RNF157: variants seen among roughly 807,000 people sequenced by gnomAD.
The protein encoded by RNF157 is E3 ubiquitin ligase RNF157.
A neutral mutation model predicts 88.3 loss-of-function variants in RNF157; 55 were observed. The observed-to-expected ratio is 0.62, with a 90% confidence interval of 0.50 to 0.78. The LOEUF is 0.78. Among genes scored for constraint, RNF157 ranks in the 30% least tolerant of loss-of-function variants. The pLI is 0.00. For synonymous variants in RNF157, 334 were observed against 341.2 expected, an observed-to-expected ratio of 0.98 and a Z score of 0.23; for missense variants, 788 against 860.8, an observed-to-expected ratio of 0.92 and a Z score of 1.06.
At position 76,167,131 on chromosome 17, in the gene RNF157, T is replaced by C. The variant is rs200167921; in HGVS notation, c.444-5A>G. ...CTGTTGTCTTTGGGAATGTAGCTAT[T>C]GATACAAGTGGGAGGCAAAGCAAAA... On this transcript the variant is annotated splice_polypyrimidine_tract_variant and splice_region_variant and intron_variant, in intron 4 of 18. Coordinates refer to ENST00000269391, the MANE Select transcript of RNF157 (RefSeq NM_052916.3). 103 of 1,607,438 alleles carry C rather than the reference T, an allele frequency of 6.4e-5. No individual in the cohort carries two copies. Among genetic ancestry groups the C allele is most frequent in the Non-Finnish European group, 7.0e-5 (82 of 1,175,316 alleles).
intron 2 of RNF157, among the ~76,000 whole-genome samples, chr17:76,204,729 GA>G (rs1416293347): frequency 6.6e-6 from 1 of 151,880 alleles, no homozygotes; most frequent in African/African-American, 2.4e-5. Context: ...ATCTGTACTA[GA>G]GAAAGAAGAA....
In RNF157 at chr17:76,160,403, C is replaced by G. The variant is rs1172850723; in HGVS notation, c.1066-830G>C. On this transcript the variant is annotated intron_variant, in intron 11 of 18. Coordinates refer to ENST00000269391, the MANE Select transcript of RNF157 (RefSeq NM_052916.3). The surrounding 1 kb of genome is among the most constrained non-coding windows in gnomAD (Gnocchi z 4.3). ...TTTTTTTCAGTGCCTTTTCTAGTTA[C>G]ACTCCTATAAGTAATACAGAAGACC... Among the ~76,000 whole-genome samples the G allele has an allele frequency of 6.6e-6, 1 of 151,734 alleles. No homozygotes were observed. Among genetic ancestry groups the G allele is most frequent in the Non-Finnish European group, 1.5e-5 (1 of 67,976 alleles).
rs1286752200 is a variant in RNF157 at position 76,176,441 on chromosome 17, TAG to T, written c.208-2653_208-2652del. ...TTAAAAAAAATTTTTTTTCTGCTCT[TAG>T]AGTTGTCTCCCATTCTTCTGTAAAT... On this transcript the variant is annotated intron_variant, in intron 2 of 18. Transcript: ENST00000269391. This position sits in a 1 kb window ranked among gnomAD's most constrained non-coding sequence, Gnocchi z 4.2. Among the ~76,000 whole-genome samples the T allele has an allele frequency of 6.6e-6, 1 of 152,196 alleles. No homozygotes were observed. The highest frequency in any genetic ancestry group is 6.5e-5 in the Admixed American group (1 of 15,288).
In RNF157 at chr17:76,144,256, T is replaced by C. The variant is rs1185474251; in HGVS notation, c.*979A>G. On this transcript the variant is annotated 3_prime_UTR_variant, in exon 19 of 19. Coordinates refer to ENST00000269391, the MANE Select transcript of RNF157 (RefSeq NM_052916.3). Reference sequence around the variant, plus strand: ...AGTTGCAGGCCTCCCTGAATGCACCTGATCAGGAGAAATGCTCCTTAAGGG... The same window carrying C: ...AGTTGCAGGCCTCCCTGAATGCACCCGATCAGGAGAAATGCTCCTTAAGGG... The C allele has an allele frequency of 2.0e-5, 3 of 151,968 alleles. No individual in the cohort carries two copies. The highest frequency in any genetic ancestry group is 2.9e-5 in the Non-Finnish European group (2 of 68,030). 9.4% of individuals were successfully genotyped at this position (151,968 alleles called of 1,614,324 possible). A position where few individuals can be genotyped will look rare whatever the true frequency, so the allele number is the denominator to read the frequency against.
At chr17:76,217,919 T>C (rs1178010506) in intron 1 of RNF157, among the ~76,000 whole-genome samples, 2 of 152,018 alleles carry the variant, frequency 1.3e-5, no homozygotes, top group Non-Finnish European at 2.9e-5. Context: ...AAGGTATGAG[T>C]GGGAAGGAGA....
intron 2 of RNF157, among the ~76,000 whole-genome samples, chr17:76,181,500 G>T (rs908031841): frequency 6.6e-6 from 1 of 152,138 alleles, no homozygotes; most frequent in African/African-American, 2.4e-5. Flanking sequence ...AGAGAACACT[G>T]CCAGCAGCCA....
intron 17 of RNF157, 66 bp from the exon 18 acceptor site, chr17:76,152,531 A>G: frequency 3.2e-6 from 3 of 932,852 alleles, no homozygotes; most frequent in Non-Finnish European, 5.2e-6. Flanking sequence ...CTGTCCTTAA[A>G]ATAAAAATCT....
chr17:76,189,566 C>A (rs1243884844), intron 2 of RNF157, among the ~76,000 whole-genome samples: 1 of 152,154 alleles, frequency 6.6e-6, no homozygotes, highest in East Asian at 1.9e-4. Context: ...AAAACAGGTA[C>A]TACACAAGGT....
At chr17:76,235,466 G>A (rs1483913621) in intron 1 of RNF157, among the ~76,000 whole-genome samples, 1 of 152,116 alleles carries the variant, frequency 6.6e-6, no homozygotes, top group African/African-American at 2.4e-5. Context: ...CCAAAGTGCT[G>A]GGATTACAGG....
chr17:76,238,150 G>A (rs1451732813), intron 1 of RNF157, among the ~76,000 whole-genome samples: 1 of 151,766 alleles, frequency 6.6e-6, no homozygotes, highest in African/African-American at 2.4e-5. Context: ...TCTGTCAACG[G>A]TTCCTTTCAG....
intron 2 of RNF157, among the ~76,000 whole-genome samples, chr17:76,194,354 G>A (rs1393189100): frequency 1.3e-5 from 2 of 152,178 alleles, no homozygotes; most frequent in East Asian, 1.9e-4. Flanking sequence ...CATTCAGTTC[G>A]CATAGAACAC....
intron 1 of RNF157, among the ~76,000 whole-genome samples, chr17:76,235,198 A>AC (rs2070260301): frequency 6.8e-6 from 1 of 146,040 alleles, no homozygotes; most frequent in Admixed American, 7.0e-5. Flanking sequence ...GTAGTAGGTT[A>AC]CTTTTTTTTT....
At chr17:76,211,104 C>A (rs1474414734) in intron 2 of RNF157, among the ~76,000 whole-genome samples, 1 of 152,200 alleles carries the variant, frequency 6.6e-6, no homozygotes, top group African/African-American at 2.4e-5. Context: ...TGTGCCTGGC[C>A]CACCTTTCCA....
chr17:76,237,762 G>A (rs1215183844), intron 1 of RNF157, among the ~76,000 whole-genome samples: 1 of 152,026 alleles, frequency 6.6e-6, no homozygotes, highest in Non-Finnish European at 1.5e-5. Context: ...AGACCAGCCT[G>A]GGCAACATAG....
chr17:76,210,601 A>AAAAAAAAAAAG (rs777083177), intron 2 of RNF157, among the ~76,000 whole-genome samples: 14 of 148,410 alleles, frequency 9.4e-5, no homozygotes, highest in South Asian at 6.4e-4. Context: ...AAAAAAAAAA[A>AAAAAAAAAAAG]AAAGAAAGAA....
At chr17:76,188,142 G>A (rs1598414616) in intron 2 of RNF157, among the ~76,000 whole-genome samples, 1 of 152,130 alleles carries the variant, frequency 6.6e-6, no homozygotes, top group Non-Finnish European at 1.5e-5. Flanking sequence ...TTTAAAGACC[G>A]GATATAGTGA....
chr17:76,227,148 C>A (rs1452279554), intron 1 of RNF157, among the ~76,000 whole-genome samples: 1 of 149,534 alleles, frequency 6.7e-6, no homozygotes, highest in African/African-American at 2.5e-5. Context: ...GGGAGTCTCA[C>A]TCTTGTCGCC....
intron 1 of RNF157, chr17:76,225,779 T>C (rs1368388345): frequency 2.6e-6 from 4 of 1,546,948 alleles, no homozygotes; most frequent in Non-Finnish European, 3.5e-6. Flanking sequence ...CCCCCTTGCC[T>C]TGCGGACCTC....
intron 2 of RNF157, among the ~76,000 whole-genome samples, chr17:76,178,909 G>C (rs778319690): frequency 6.6e-6 from 1 of 151,950 alleles, no homozygotes; most frequent in African/African-American, 2.4e-5. Context: ...TCCCCAAGAC[G>C]CTCTGGATGC....
Sources: allele counts gnomAD v4.1 joint callset (sites outside exome capture counted in the v4.1 genomes callset), GRCh38; gene constraint gnomAD v4.1.1; non-coding constraint Gnocchi (gnomAD v3.1); transcripts MANE v1.5; gene names NCBI Gene and HGNC (gene_info 2026-07-23, HGNC 2026-07-21).